The following GRM5 variants were observed in gnomAD, a reference collection of about 807,000 sequenced individuals.
GRM5 encodes metabotropic glutamate receptor 5.
GRM5 carries 19 observed loss-of-function variants against 83.1 expected under a neutral mutation model. The ratio of observed to expected loss-of-function variants is 0.23; its 90% CI spans 0.16 to 0.34. The LOEUF (loss-of-function observed/expected upper bound fraction) is 0.34. Ranked by LOEUF, GRM5 falls within the 10% of genes least tolerant of loss-of-function variation. The pLI, the probability that GRM5 is intolerant of heterozygous loss-of-function variation, is 1.00. For missense variants in GRM5, 1,160 were observed against 1,588.3 expected (o/e 0.73, Z 4.58); for synonymous variants, 675 against 633.6 (o/e 1.07, Z -0.98).
At chr11:88,747,902 A>C (rs544668860) in intron 3 of GRM5, among the ~76,000 whole-genome samples, 100 of 152,268 alleles carry the variant, frequency 6.6e-4, no homozygotes, top group African/African-American at 2.4e-3. Context: ...ATGGAGAGGA[A>C]TATAAAAGGG....
intron 3 of GRM5, among the ~76,000 whole-genome samples, chr11:88,689,079 T>C (rs925039650): frequency 1.3e-5 from 2 of 152,142 alleles, no homozygotes; most frequent in African/African-American, 4.8e-5. Flanking sequence ...TAAATATTTG[T>C]TGAATAAATA....
intron 3 of GRM5, among the ~76,000 whole-genome samples, chr11:88,749,688 G>T (rs367925694): frequency 1.3e-5 from 2 of 152,012 alleles, no homozygotes; most frequent in East Asian, 3.9e-4. Context: ...AAGGACAGCC[G>T]GAGAGAAAGG....
At chr11:88,619,232 A>T (rs1938567053) in intron 4 of GRM5, among the ~76,000 whole-genome samples, 1 of 152,240 alleles carries the variant, frequency 6.6e-6, no homozygotes, top group Non-Finnish European at 1.5e-5. Flanking sequence ...AACAGTGCAG[A>T]ATCAAAGAAT....
chr11:88,804,166 C>T (rs1380148013), intron 3 of GRM5, among the ~76,000 whole-genome samples: 1 of 150,840 alleles, frequency 6.6e-6, no homozygotes, highest in African/African-American at 2.4e-5. Flanking sequence ...TACCATTTGA[C>T]CCAGCCATCC....
At chr11:88,763,494 C>A (rs1394865416) in intron 3 of GRM5, among the ~76,000 whole-genome samples, 2 of 151,690 alleles carry the variant, frequency 1.3e-5, no homozygotes, top group African/African-American at 2.4e-5. Context: ...GTTAGTAAAT[C>A]CACATTTTAT....
At chr11:89,020,686 A>G (rs1940962282) in intron 2 of GRM5, among the ~76,000 whole-genome samples, 1 of 152,196 alleles carries the variant, frequency 6.6e-6, no homozygotes, top group Admixed American at 6.5e-5. Context: ...CTGGTTTTTG[A>G]TGAATTAATG....
At chr11:88,816,538 C>CAAAAA (rs777360398) in intron 3 of GRM5, among the ~76,000 whole-genome samples, 28 of 68,724 alleles carry the variant, frequency 4.1e-4, no homozygotes, top group East Asian at 7.6e-4. Context: ...GACTCCATCT[C>CAAAAA]AAAAAAAAAA....
chr11:88,619,387 A>C (rs1938572079), intron 4 of GRM5, among the ~76,000 whole-genome samples: 1 of 152,200 alleles, frequency 6.6e-6, no homozygotes, highest in African/African-American at 2.4e-5. Context: ...AGCTTTGTGG[A>C]TTCTCTTGAT....
chr11:88,558,887 T>C (rs1942691967), intron 8 of GRM5, among the ~76,000 whole-genome samples: 1 of 151,756 alleles, frequency 6.6e-6, no homozygotes, highest in Non-Finnish European at 1.5e-5. Context: ...AAAGTTCTAT[T>C]TTTTTAAGTT....
chr11:88,874,950 A>C (rs1284195536), intron 2 of GRM5, among the ~76,000 whole-genome samples: 1 of 151,982 alleles, frequency 6.6e-6, no homozygotes, highest in Non-Finnish European at 1.5e-5. Flanking sequence ...AGCAAGGCAT[A>C]ATGTTTTTGC....
intron 9 of GRM5, among the ~76,000 whole-genome samples, chr11:88,512,856 C>A (rs536655966): frequency 2.6e-5 from 4 of 152,210 alleles, no homozygotes; most frequent in African/African-American, 9.6e-5. Flanking sequence ...CCATTTTGAA[C>A]CCTGGTTTAA....
At chr11:88,570,977 G>A (rs1164505864) in intron 7 of GRM5, among the ~76,000 whole-genome samples, 3 of 151,912 alleles carry the variant, frequency 2.0e-5, no homozygotes, top group African/African-American at 4.8e-5. Flanking sequence ...TGCTGCTAAC[G>A]TCCATAGCAA....
intron 2 of GRM5, among the ~76,000 whole-genome samples, chr11:88,893,831 C>G (rs1945186856): frequency 6.6e-6 from 1 of 151,978 alleles, no homozygotes; most frequent in Non-Finnish European, 1.5e-5. Flanking sequence ...TCATCCAACA[C>G]CCCTTAACAG....
intron 2 of GRM5, among the ~76,000 whole-genome samples, chr11:88,901,022 G>C (rs1945305643): frequency 6.6e-6 from 1 of 152,140 alleles, no homozygotes; most frequent in Non-Finnish European, 1.5e-5. Context: ...TGTGGGGATA[G>C]TAAACAGAGG....
chr11:88,779,449 G>A (rs1499171), intron 3 of GRM5, among the ~76,000 whole-genome samples: 80,079 of 151,984 alleles, frequency 0.53, 23,819 homozygotes, highest in Non-Finnish European at 0.7. Context: ...AAGTTAAGGA[G>A]GAAGGAGCAC....
intron 2 of GRM5, among the ~76,000 whole-genome samples, chr11:88,969,940 T>C (rs1267109789): frequency 1.3e-5 from 2 of 152,102 alleles, no homozygotes; most frequent in Non-Finnish European, 2.9e-5. Flanking sequence ...TTATACATGA[T>C]GTTATCTCTA....
intron 3 of GRM5, among the ~76,000 whole-genome samples, chr11:88,659,494 T>C (rs1499043): frequency 0.031 from 4,696 of 152,258 alleles, 192 homozygotes; most frequent in East Asian, 0.18. Context: ...GCTGTTGGCA[T>C]TCAAAAATAT....
chr11:89,064,722 ACTAC>A (rs1942060474), intron 1 of GRM5, among the ~76,000 whole-genome samples: 1 of 151,706 alleles, frequency 6.6e-6, no homozygotes, highest in Admixed American at 6.6e-5. Flanking sequence ...CTGTCCAGGA[ACTAC>A]CTAGGGTAGA....
intron 2 of GRM5, among the ~76,000 whole-genome samples, chr11:88,944,037 A>G (rs1938196356): frequency 6.6e-6 from 1 of 152,038 alleles, no homozygotes; most frequent in Non-Finnish European, 1.5e-5. Flanking sequence ...CAGCAAATAG[A>G]TGATCCTAAA....
Sources: gnomAD v4.1 joint callset for allele counts (sites outside exome capture counted in the v4.1 genomes callset) on GRCh38, gnomAD v4.1.1 for gene constraint, MANE v1.5 for transcripts, NCBI Gene and HGNC (gene_info 2026-07-23, HGNC 2026-07-21) for gene names.